The following DAPK1 variants were observed in gnomAD, a reference collection of about 807,000 sequenced individuals.
DAPK1 encodes death-associated protein kinase 1.
A neutral mutation model predicts 144.9 loss-of-function variants in DAPK1; 56 were observed. The observed-to-expected ratio is 0.39, with a 90% CI of 0.31 to 0.48. The LOEUF (loss-of-function observed/expected upper bound fraction) is 0.48. Among genes scored for constraint, DAPK1 ranks in the 20% least tolerant of loss-of-function variants. The pLI is 0.95. For missense variants in DAPK1, 1,454 were observed against 1,875.4 expected (o/e 0.78, Z 4.15); for synonymous variants, 690 against 749.0 (o/e 0.92, Z 1.29).
At chr9:87,570,846 A>G (rs1039227274) in intron 2 of DAPK1, among the ~76,000 whole-genome samples, 2 of 152,094 alleles carry the variant, frequency 1.3e-5, no homozygotes, top group East Asian at 1.9e-4. Context: ...AGTCTCAGAG[A>G]TTTTTTTCTT....
intron 2 of DAPK1, among the ~76,000 whole-genome samples, chr9:87,545,361 T>C (rs1826206142): frequency 6.6e-6 from 1 of 152,190 alleles, no homozygotes; most frequent in Non-Finnish European, 1.5e-5. Flanking sequence ...TAATGGCTGC[T>C]TTAATTAAAA....
intron 2 of DAPK1, among the ~76,000 whole-genome samples, chr9:87,577,899 C>T (rs1827621179): frequency 6.6e-6 from 1 of 152,194 alleles, no homozygotes; most frequent in African/African-American, 2.4e-5. Context: ...CTCTCCCTTT[C>T]CCCTCCCCTC....
chr9:87,678,049 A>T (rs1824463424), intron 19 of DAPK1, among the ~76,000 whole-genome samples: 1 of 152,266 alleles, frequency 6.6e-6, no homozygotes, highest in Non-Finnish European at 1.5e-5. Context: ...CAAGACCCCC[A>T]GTCCTTTCCT....
chr9:87,653,036 A>G (rs1353866512), intron 17 of DAPK1, among the ~76,000 whole-genome samples: 28 of 91,484 alleles, frequency 3.1e-4, no homozygotes, highest in East Asian at 1.1e-3. Flanking sequence ...ACCTGATCCC[A>G]GGTCCTGATT....
At chr9:87,525,154 T>C (rs1473057377) in intron 2 of DAPK1, 56 of 679,898 alleles carry the variant, frequency 8.2e-5, no homozygotes, top group Non-Finnish European at 1.4e-4. Flanking sequence ...GTGCAAACAG[T>C]TGGGTGGAAG....
intron 2 of DAPK1, among the ~76,000 whole-genome samples, chr9:87,543,130 A>G (rs1826115597): frequency 6.6e-6 from 1 of 152,270 alleles, no homozygotes; most frequent in Non-Finnish European, 1.5e-5. Flanking sequence ...AAAAGAACAT[A>G]TAAAAATGCT....
At chr9:87,584,722 G>A (rs1392353455) in intron 2 of DAPK1, among the ~76,000 whole-genome samples, 3 of 151,822 alleles carry the variant, frequency 2.0e-5, no homozygotes, top group Non-Finnish European at 4.4e-5. Context: ...TGTTGACCAG[G>A]CTGGAGTGCA....
intron 2 of DAPK1, chr9:87,554,069 C>T (rs1285438709): frequency 1.5e-5 from 2 of 133,558 alleles, no homozygotes; most frequent in East Asian, 4.9e-4. Context: ...AAAATGCTCT[C>T]AAATACTCAG....
At chr9:87,687,488 CATAA>C (rs1485023374) in intron 21 of DAPK1, among the ~76,000 whole-genome samples, 1 of 152,182 alleles carries the variant, frequency 6.6e-6, no homozygotes, top group Non-Finnish European at 1.5e-5. Context: ...TATGTCTGTG[CATAA>C]ATAGTGTTCT....
chr9:87,677,283 A>G (rs903553224), intron 19 of DAPK1, among the ~76,000 whole-genome samples: 6 of 152,230 alleles, frequency 3.9e-5, no homozygotes, highest in Non-Finnish European at 2.9e-5. Flanking sequence ...GGGAAGTCAC[A>G]GGCATAGCTT....
rs1830693198 is a variant in DAPK1 at position 87,658,037 on chromosome 9, A to G, written c.1833A>G (p.Arg611=). 2 of 1,382,868 alleles carry G rather than the reference A, an allele frequency of 1.4e-6. No individual in the cohort carries two copies. The highest frequency in any genetic ancestry group is 2.3e-5 in the South Asian group (2 of 85,538). 85.7% of individuals were successfully genotyped at this position (1,382,868 alleles called of 1,614,324 possible). Residue 611 remains arginine (R), a synonymous_variant, in exon 18 of 26, where the codon CGA becomes CGG. Coordinates refer to ENST00000408954, the MANE Select transcript of DAPK1 (RefSeq NM_004938.4). ...TTTTTCTCTCTTCCCAGTATGGGCG[A>G]ACGCCTCTGCACCTTGCGGCCAACA... is the stretch of plus-strand genomic sequence containing the variant. ...CNLDISNKYG[R]TPLHLAANNG...
chr9:87,662,534 C>T lies in DAPK1; in HGVS notation c.1923+4407C>T, dbSNP rs1182773881. Reference sequence around the variant, plus strand: ...TTTAGTTTGCCTTGTAGAGATCTTTCACCTCCTTGGTTAAATATATTCCTA... The same window carrying T: ...TTTAGTTTGCCTTGTAGAGATCTTTTACCTCCTTGGTTAAATATATTCCTA... On this transcript the variant is annotated intron_variant, in intron 18 of 25. Transcript: ENST00000408954. 8.0e-5 allele frequency among the ~76,000 whole-genome samples: 9 copies of T among 112,458 alleles called. No individual in the cohort carries two copies. The East Asian group carries it at 9.0e-4, about 11-fold the overall frequency. 73.8% of individuals were successfully genotyped at this position (112,458 alleles called of 152,430 possible). A position where few individuals can be genotyped will look rare whatever the true frequency, so the allele number is the denominator to read the frequency against.
rs569319646 is a variant in DAPK1, at chr9:87,629,497, C to T, written c.285-8446C>T. On this transcript the variant is annotated intron_variant, in intron 3 of 25. Transcript: ENST00000408954. ...TGGCTCCGGCAACCTAATACACTACCTATACCTACCTAACCCTTTTATTTT... is the reference window on the plus strand; with the variant it reads ...TGGCTCCGGCAACCTAATACACTACTTATACCTACCTAACCCTTTTATTTT... 2.6e-5 allele frequency among the ~76,000 whole-genome samples: 4 copies of T among 152,318 alleles called. No homozygotes were observed. In the South Asian group the frequency reaches 6.2e-4, roughly 24 times the overall value.
intron 15 of DAPK1, among the ~76,000 whole-genome samples, 177 bp downstream of exon 15, chr9:87,649,056 G>A (rs927057064): frequency 4.6e-5 from 7 of 152,234 alleles, no homozygotes; most frequent in Non-Finnish European, 1.0e-4. Context: ...GGTGTGCAAG[G>A]TGCTAATGCC....
chr9:87,629,621 C>T (rs947173974), intron 3 of DAPK1, among the ~76,000 whole-genome samples: 12 of 152,130 alleles, frequency 7.9e-5, no homozygotes, highest in African/African-American at 1.4e-4. Flanking sequence ...CAAGCAACCC[C>T]GCCTTGGCCT....
intron 2 of DAPK1, among the ~76,000 whole-genome samples, chr9:87,519,282 C>T (rs1429260803): frequency 6.6e-6 from 1 of 152,218 alleles, no homozygotes; most frequent in Non-Finnish European, 1.5e-5. Context: ...CCACAGTTGC[C>T]CCTATAAAAA....
rs1265758171 is a variant in DAPK1, at chr9:87,681,804, T to C, written c.2224+178T>C. 4 of 629,092 alleles carry C rather than the reference T, an allele frequency of 6.4e-6. No individual in the cohort carries two copies. The African/African-American group carries it at 7.2e-5, about 11-fold the overall frequency. The allele number at this position is 629,092 out of a possible 1,614,324, so 39.0% of individuals were successfully genotyped here. A position where few individuals can be genotyped will look rare whatever the true frequency, so the allele number is the denominator to read the frequency against. On this transcript the variant is annotated intron_variant, in intron 20 of 25. Transcript: ENST00000408954. ...GTAGCCTTGTGTGTGCTGCCTGTTG[T>C]CCAGCAGTAACAGACTGACTTGGCA...
intron 2 of DAPK1, among the ~76,000 whole-genome samples, chr9:87,515,785 T>C (rs13302655): frequency 0.55 from 83,263 of 151,960 alleles, 24,860 homozygotes; most frequent in South Asian, 0.78. Context: ...GGTAACAGCT[T>C]CCACCAGGGT....
intron 2 of DAPK1, among the ~76,000 whole-genome samples, chr9:87,507,221 CT>C (rs928605100): frequency 6.6e-6 from 1 of 151,726 alleles, no homozygotes; most frequent in Non-Finnish European, 1.5e-5. Context: ...ATCATGGGGC[CT>C]TTTTTTTGAG....
Sources: allele counts gnomAD v4.1 joint callset (sites outside exome capture counted in the v4.1 genomes callset), GRCh38; gene constraint gnomAD v4.1.1; transcripts MANE v1.5; gene names NCBI Gene and HGNC (gene_info 2026-07-23, HGNC 2026-07-21).